The following PTH2R variants were observed in gnomAD, a reference collection of about 807,000 sequenced individuals.
PTH2R encodes PTH2 receptor.
PTH2R carries 59 observed loss-of-function variants against 60.3 expected under a neutral mutation model. That is an observed-to-expected ratio of 0.98 (90% CI 0.79 to 1.22). PTH2R has a LOEUF of 1.22. PTH2R is among the 50% of genes most tolerant of loss of function. The pLI is 0.00. For synonymous variants in PTH2R, 256 were observed against 243.8 expected (o/e 1.05, Z -0.47); for missense variants, 749 against 682.6 (o/e 1.10, Z -1.08).
intron 8 of PTH2R, 78 bp downstream of exon 8, chr2:208,450,887 G>T (rs888736497): frequency 1.4e-6 from 2 of 1,480,376 alleles, no homozygotes; most frequent in African/African-American, 2.8e-5. Context: ...ATTCACACTC[G>T]CTTCTGTTCT....
chr2:208,483,601 G>C (rs1703206741), intron 10 of PTH2R, among the ~76,000 whole-genome samples: 1 of 152,040 alleles, frequency 6.6e-6, no homozygotes. Context: ...CAATTGAAGA[G>C]AATAATTTAT....
chr2:208,406,742 G>C (rs569345342), upstream of PTH2R: 13 of 278,030 alleles, frequency 4.7e-5, no homozygotes, highest in East Asian at 7.6e-4. Context: ...GCCTGGGGCG[G>C]GAGCCGCCCC....
chr2:208,485,163 A>C (rs1380178813), intron 10 of PTH2R, among the ~76,000 whole-genome samples: 1 of 152,226 alleles, frequency 6.6e-6, no homozygotes, highest in African/African-American at 2.4e-5. Context: ...AATTTTTTAA[A>C]GCTAAATTGA....
intron 8 of PTH2R, 48 bp from the exon 9 acceptor site, chr2:208,459,847 C>T: frequency 6.7e-7 from 1 of 1,487,588 alleles, no homozygotes; most frequent in Middle Eastern, 1.7e-4. Flanking sequence ...TAATACTACC[C>T]ATTTGCTTTG....
rs559647931 is a variant in PTH2R, at chr2:208,469,828, A to G, written c.981+9867A>G. ...TAAGAGAAATATTTCCTAATTAACA[A>G]AAGAACGTGATGCTTTGTTTTGGTT... On this transcript the variant is annotated intron_variant, in intron 9 of 12. Coordinates refer to ENST00000272847, the MANE Select transcript of PTH2R (RefSeq NM_005048.4). The G allele has an allele frequency of 2.0e-5, 3 of 152,372 alleles. No individual in the cohort carries two copies. The South Asian group carries it at 6.2e-4, about 32-fold the overall frequency. 9.4% of individuals were successfully genotyped at this position (152,372 alleles called of 1,614,324 possible).
intron 1 of PTH2R, among the ~76,000 whole-genome samples, chr2:208,397,694 G>A (rs966417782): frequency 2.0e-5 from 3 of 152,174 alleles, no homozygotes; most frequent in Admixed American, 6.5e-5. Context: ...GGTTTGACCA[G>A]GTATGTCATT....
chr2:208,373,957 T>A (rs904662583), intron 1 of PTH2R, among the ~76,000 whole-genome samples: 2 of 152,120 alleles, frequency 1.3e-5, no homozygotes, highest in Admixed American at 6.5e-5. Context: ...CAAATACACT[T>A]CATATGCTTT....
In PTH2R at chr2:208,457,904, G is replaced by A. The variant is rs539564298; in HGVS notation, c.915-1991G>A. 1.9e-3 allele frequency among the ~76,000 whole-genome samples: 291 copies of A among 152,250 alleles called. 3 individuals carry two copies. Among genetic ancestry groups the A allele is most frequent in the Middle Eastern group, 3.4e-3 (1 of 294 alleles). ...TCTATAGCTTGCTCATTAATAAAAA[G>A]TAAGTTCGTGATAAGTTCATTATCT... On this transcript the variant is annotated intron_variant, in intron 8 of 12. Coordinates refer to ENST00000272847, the MANE Select transcript of PTH2R (RefSeq NM_005048.4).
At chr2:208,469,066 A>G (rs1168523179) in intron 9 of PTH2R, among the ~76,000 whole-genome samples, 1 of 152,204 alleles carries the variant, frequency 6.6e-6, no homozygotes, top group Non-Finnish European at 1.5e-5. Flanking sequence ...TCACGCAGAT[A>G]TAGGTCACAC....
At chr2:208,463,375 C>G (rs1702670690) in intron 9 of PTH2R, among the ~76,000 whole-genome samples, 3 of 152,076 alleles carry the variant, frequency 2.0e-5, no homozygotes, top group Admixed American at 6.5e-5. Context: ...TCAGACATCC[C>G]TTTTCTGACC....
At chr2:208,425,808 T>C (rs1701846319) in intron 1 of PTH2R, among the ~76,000 whole-genome samples, 1 of 152,234 alleles carries the variant, frequency 6.6e-6, no homozygotes, top group African/African-American at 2.4e-5. Context: ...CCTATTGATA[T>C]TCCAGAGTTT....
At chr2:208,398,388 A>G (rs776525913) in intron 1 of PTH2R, among the ~76,000 whole-genome samples, 3 of 152,220 alleles carry the variant, frequency 2.0e-5, no homozygotes, top group Non-Finnish European at 4.4e-5. Flanking sequence ...AAAAGTTTCT[A>G]TGAGTTTATG....
chr2:208,416,603 G>A (rs1304875429), intron 1 of PTH2R, among the ~76,000 whole-genome samples: 1 of 152,112 alleles, frequency 6.6e-6, no homozygotes, highest in African/African-American at 2.4e-5. Flanking sequence ...AATACTGAGG[G>A]TCAACTTGAT....
intron 10 of PTH2R, among the ~76,000 whole-genome samples, chr2:208,482,891 T>G (rs1264251399): frequency 6.6e-6 from 1 of 152,204 alleles, no homozygotes; most frequent in Non-Finnish European, 1.5e-5. Flanking sequence ...ATAGGAATCT[T>G]GGTGATGTGA....
chr2:208,391,976 G>A (rs1050145138), intron 1 of PTH2R, among the ~76,000 whole-genome samples: 8 of 152,178 alleles, frequency 5.3e-5, no homozygotes, highest in African/African-American at 1.9e-4. Flanking sequence ...AGAGAGGTCT[G>A]GTGACAGTGC....
chr2:208,425,067 C>T (rs1701830683), intron 1 of PTH2R, among the ~76,000 whole-genome samples: 2 of 152,062 alleles, frequency 1.3e-5, no homozygotes, highest in African/African-American at 4.8e-5. Context: ...ATTTCTAAAA[C>T]TCTAATGAAA....
At chr2:208,455,498 A>G (rs1702492554) in intron 8 of PTH2R, among the ~76,000 whole-genome samples, 1 of 152,220 alleles carries the variant, frequency 6.6e-6, no homozygotes, top group Admixed American at 6.5e-5. Context: ...AACTTATCAG[A>G]ATAAAATCTT....
chr2:208,394,624 G>T (rs923153915), intron 1 of PTH2R, among the ~76,000 whole-genome samples: 29 of 152,068 alleles, frequency 1.9e-4, no homozygotes, highest in Non-Finnish European at 3.5e-4. Context: ...TCCTAGACTT[G>T]TGTGACCTGT....
chr2:208,443,186 A>AT (rs1169865603), intron 5 of PTH2R, among the ~76,000 whole-genome samples, 162 bp from the exon 6 acceptor site: 1 of 152,256 alleles, frequency 6.6e-6, no homozygotes, highest in Non-Finnish European at 1.5e-5. Flanking sequence ...ACTATATCAT[A>AT]TAAAGGACTT....
Sources: gnomAD v4.1 joint callset for allele counts (sites outside exome capture counted in the v4.1 genomes callset) on GRCh38, gnomAD v4.1.1 for gene constraint, MANE v1.5 for transcripts, NCBI Gene and HGNC (gene_info 2026-07-23, HGNC 2026-07-21) for gene names.